TRIM55: variants seen among roughly 807,000 people sequenced by gnomAD.
TRIM55 encodes tripartite motif containing 55.
In TRIM55, 50 loss-of-function variants were observed where a neutral mutation model predicts 60.9. The observed-to-expected ratio is 0.82, with a 90% CI of 0.65 to 1.04. The LOEUF (loss-of-function observed/expected upper bound fraction) is 1.04, where lower values mean the gene tolerates loss of function less well. Among genes scored for constraint, TRIM55 ranks in the 50% least tolerant of loss-of-function variants. TRIM55 has a pLI of 0.00. For missense variants in TRIM55, 681 were observed against 666.9 expected, an observed-to-expected ratio of 1.02 and a Z score of -0.23; for synonymous variants, 237 against 238.1, an observed-to-expected ratio of 1.00 and a Z score of 0.04.
At chr8:66,160,965 A>G (rs527270948) in intron 9 of TRIM55, among the ~76,000 whole-genome samples, 24 of 150,484 alleles carry the variant, frequency 1.6e-4, no homozygotes, top group Non-Finnish European at 3.3e-4. Context: ...CTTCCACTCT[A>G]TGGGTTGTCT....
chr8:66,128,237 A>C (rs1808935288), intron 1 of TRIM55, 67 bp from the exon 2 acceptor site: 3 of 1,425,994 alleles, frequency 2.1e-6, no homozygotes, highest in Non-Finnish European at 1.9e-6. Flanking sequence ...GCAGAGAGTG[A>C]AAATAAGTCT....
chr8:66,127,365 T>G lies in TRIM55; in HGVS notation c.97T>G (p.Phe33Val), dbSNP rs1487622894. The change falls in exon 1 of 10, where the codon TTC becomes GTC. Residue 33 changes from phenylalanine to valine, a missense_variant. Transcript: ENST00000315962. ...QLICPICLEM[F>V]TKPVVILPCQ... ...CATCTGTCCCATCTGCTTAGAGATG[T>G]TCACGAAACCTGTGGTGATTCTCCC... The G allele has an allele frequency of 6.2e-7, 1 of 1,614,208 alleles. No homozygotes were observed. The highest frequency in any genetic ancestry group is 8.5e-7 in the Non-Finnish European group (1 of 1,180,034).
intron 3 of TRIM55, 94 bp downstream of exon 3, chr8:66,135,249 G>A (rs989729042): frequency 3.5e-6 from 5 of 1,413,238 alleles, no homozygotes; most frequent in East Asian, 4.6e-5. Context: ...CTGCGGTGGA[G>A]GAGGAAGCCC....
chr8:66,137,182 A>G lies in TRIM55; in HGVS notation c.595A>G (p.Thr199Ala). 6.2e-7 allele frequency: 1 copy of G among 1,613,932 alleles called. No individual in the cohort carries two copies. Among genetic ancestry groups the G allele is most frequent in the Non-Finnish European group, 8.5e-7 (1 of 1,179,900 alleles). ...CAGCCAGCTGGAAGACACCTGCAAA[A>G]CTATCGAGGTGAGTCAGGTGACTCC... ...VISQLEDTCK[T>A]IEECCRKQKQ... The change falls in exon 4 of 10, where the codon ACT becomes GCT. Residue 199 changes from threonine (T) to alanine (A), a missense_variant. Coordinates refer to ENST00000315962, the MANE Select transcript of TRIM55 (RefSeq NM_184085.2).
chr8:66,152,839 C>CA lies in TRIM55; in HGVS notation c.1236+216dup, dbSNP rs1810517056. Among the ~76,000 whole-genome samples, 5 of 151,500 alleles carry CA rather than the reference C, an allele frequency of 3.3e-5. No homozygotes were observed. The South Asian group carries it at 1.0e-3, about 32-fold the overall frequency. ...GTTCTTTGTTGTTATTGTTAGTTAA[C>CA]AAAATTTAATACAACTTTCCCACCA... On this transcript the variant is annotated intron_variant, in intron 8 of 9. Coordinates refer to ENST00000315962, the MANE Select transcript of TRIM55 (RefSeq NM_184085.2).
chr8:66,123,566 A>G (rs912284116), upstream of TRIM55, among the ~76,000 whole-genome samples: 2 of 152,236 alleles, frequency 1.3e-5, no homozygotes, highest in South Asian at 2.1e-4. Context: ...GAGAAAAAAA[A>G]AGAGAGAGAA....
intron 9 of TRIM55, among the ~76,000 whole-genome samples, chr8:66,157,112 C>G (rs1042044503): frequency 2.6e-5 from 4 of 152,144 alleles, no homozygotes; most frequent in Non-Finnish European, 5.9e-5. Context: ...TCTTGTATTG[C>G]TTCTCTGAGG....
chr8:66,152,694 A>G (rs1314692289), intron 8 of TRIM55, 67 bp downstream of exon 8: 8 of 1,542,618 alleles, frequency 5.2e-6, no homozygotes, highest in Non-Finnish European at 7.0e-6. Flanking sequence ...AGCCTAAACA[A>G]TTTACCCTAT....
intron 4 of TRIM55, among the ~76,000 whole-genome samples, chr8:66,139,631 A>G (rs2128976296): frequency 6.6e-6 from 1 of 152,264 alleles, no homozygotes; most frequent in South Asian, 2.1e-4. Context: ...TTGGCAATAC[A>G]ATTCATTGAA....
At position 66,135,049 on chromosome 8, in the gene TRIM55, T is replaced by G; in HGVS notation, c.401T>G (p.Ile134Ser). ...CEEHEEERIN[I>S]YCLNCEVPTC... ...GAACATGAAGAGGAGCGCATCAACA[T>G]CTACTGTCTGAACTGCGAAGTACCC... The change falls in exon 3 of 10, where the codon ATC becomes AGC. Residue 134 changes from isoleucine to serine, a missense_variant. By Grantham distance (142) the Ile-to-Ser change is moderately radical. Coordinates refer to ENST00000315962, the MANE Select transcript of TRIM55 (RefSeq NM_184085.2). 1 of 1,614,154 alleles carries G rather than the reference T, an allele frequency of 6.2e-7. No individual in the cohort carries two copies. Among genetic ancestry groups the G allele is most frequent in the Non-Finnish European group, 8.5e-7 (1 of 1,180,034 alleles).
the TRIM55 span, chr8:66,114,646 G>C: frequency 2.2e-6 from 1 of 456,352 alleles, no homozygotes; most frequent in South Asian, 1.5e-5. Context: ...GGAAACGGAC[G>C]CTGATTACTT....
At chr8:66,117,040 A>G in the TRIM55 span, among the ~76,000 whole-genome samples, 13 of 152,262 alleles carry the variant, frequency 8.5e-5, no homozygotes, top group Non-Finnish European at 1.3e-4. Context: ...AAGAAAAAAA[A>G]TCATGTGATC....
At chr8:66,139,896 C>A (rs1469688871) in intron 4 of TRIM55, among the ~76,000 whole-genome samples, 3 of 151,990 alleles carry the variant, frequency 2.0e-5, no homozygotes, top group African/African-American at 7.3e-5. Context: ...AGTCATGCAC[C>A]ATGTAACATT....
chr8:66,167,571 G>A (rs149928338), intron 9 of TRIM55, among the ~76,000 whole-genome samples: 5 of 152,140 alleles, frequency 3.3e-5, no homozygotes, highest in Admixed American at 6.5e-5. Flanking sequence ...CCTCCTCCAC[G>A]TCAGGAAGAA....
intron 1 of TRIM55, among the ~76,000 whole-genome samples, chr8:66,127,669 A>G (rs1449151648): frequency 4.7e-5 from 7 of 150,286 alleles, no homozygotes; most frequent in Admixed American, 1.3e-4. Flanking sequence ...TCCACTAAAA[A>G]TACAAAAAAA....
Position 66,141,070 on chromosome 8 carries a change from T to C in TRIM55, c.603+3880T>C, listed in dbSNP as rs550888428. Among the ~76,000 whole-genome samples, 25 of 152,292 alleles carry C rather than the reference T, an allele frequency of 1.6e-4. No individual in the cohort carries two copies. In the South Asian group the frequency reaches 5.0e-3, roughly 30 times the overall value. On this transcript the variant is annotated intron_variant, in intron 4 of 9. Transcript: ENST00000315962. ...GTCTAATTTTGTCCTAATCATGTAA[T>C]GTCACACAGGACTGGCCTGGGGAGG...
chr8:66,146,924 C>T (rs1810124783), intron 4 of TRIM55, among the ~76,000 whole-genome samples: 1 of 152,180 alleles, frequency 6.6e-6, no homozygotes, highest in South Asian at 2.1e-4. Flanking sequence ...ATCCCCTCCT[C>T]AACCTCCTTT....
chr8:66,137,879 A>G (rs923997777), intron 4 of TRIM55, among the ~76,000 whole-genome samples: 1 of 152,334 alleles, frequency 6.6e-6, no homozygotes, highest in African/African-American at 2.4e-5. Context: ...GATCAAATAT[A>G]AAGTATGTCA....
chr8:66,139,710 G>T (rs1455554067), intron 4 of TRIM55, among the ~76,000 whole-genome samples: 1 of 152,112 alleles, frequency 6.6e-6, no homozygotes. Context: ...TTCCCTGCAG[G>T]ACTTTATGAT....
Sources: allele counts gnomAD v4.1 joint callset (sites outside exome capture counted in the v4.1 genomes callset), GRCh38; gene constraint gnomAD v4.1.1; transcripts MANE v1.5; gene names NCBI Gene and HGNC (gene_info 2026-07-23, HGNC 2026-07-21).